Variants in CERS6 observed in about 807,000 individuals in gnomAD.
CERS6 encodes the protein ceramide synthase 6.
A neutral mutation model predicts 56.8 loss-of-function variants in CERS6; 26 were observed. That is an observed-to-expected ratio of 0.46 (90% confidence interval 0.34 to 0.63). The LOEUF is 0.63. Among genes scored for constraint, CERS6 ranks in the 30% least tolerant of loss-of-function variants. CERS6 has a pLI of 0.01. For missense variants in CERS6, 415 were observed against 467.5 expected, an observed-to-expected ratio of 0.89 and a Z score of 1.04; for synonymous variants, 164 against 173.3, an observed-to-expected ratio of 0.95 and a Z score of 0.42.
chr2:168,495,905 C>T (rs971617811), intron 1 of CERS6, among the ~76,000 whole-genome samples: 2 of 152,152 alleles, frequency 1.3e-5, no homozygotes, highest in African/African-American at 2.4e-5. Flanking sequence ...AGGTATTCCC[C>T]AAAACTTAAG....
intron 4 of CERS6, among the ~76,000 whole-genome samples, chr2:168,670,686 T>C (rs1330947467): frequency 6.6e-6 from 1 of 152,204 alleles, no homozygotes; most frequent in Non-Finnish European, 1.5e-5. Flanking sequence ...AGGTCACTAC[T>C]TCAGTGATGC....
At chr2:168,478,525 TG>T (rs766200061) in intron 1 of CERS6, among the ~76,000 whole-genome samples, 2 of 152,190 alleles carry the variant, frequency 1.3e-5, no homozygotes, top group Non-Finnish European at 2.9e-5. Context: ...CTACTCAAAG[TG>T]TGAACCATAG....
At position 168,661,198 on chromosome 2, in the gene CERS6, T is replaced by C. The variant is rs1428082504; in HGVS notation, c.466-29836T>C. Among the ~76,000 whole-genome samples, 13 of 152,304 alleles carry C rather than the reference T, an allele frequency of 8.5e-5. No homozygotes were observed. The East Asian group carries it at 2.1e-3, about 25-fold the overall frequency. ...GAAGCCAAACGAAATCCAAGTATAG[T>C]TGTATCCTAAGAATGAACATGTTAG... On this transcript the variant is annotated intron_variant, in intron 4 of 9. Transcript: ENST00000305747.
chr2:168,623,981 C>T (rs929564986), intron 3 of CERS6, among the ~76,000 whole-genome samples: 6 of 152,236 alleles, frequency 3.9e-5, no homozygotes, highest in Admixed American at 2.6e-4. Context: ...CTTAGGGACC[C>T]TACCTAGGCT....
At chr2:168,531,968 A>G (rs1695176955) in intron 1 of CERS6, among the ~76,000 whole-genome samples, 1 of 152,196 alleles carries the variant, frequency 6.6e-6, no homozygotes, top group South Asian at 2.1e-4. Context: ...AGGTGCTCAG[A>G]CAAAATTTGC....
intron 1 of CERS6, among the ~76,000 whole-genome samples, chr2:168,490,830 T>C (rs553194086): frequency 6.6e-6 from 1 of 151,570 alleles, no homozygotes; most frequent in Non-Finnish European, 1.5e-5. Context: ...AAGGAGAGAA[T>C]ATATGATGAT....
intron 4 of CERS6, among the ~76,000 whole-genome samples, chr2:168,633,828 G>A: frequency 6.6e-6 from 1 of 152,126 alleles, no homozygotes; most frequent in South Asian, 2.1e-4. Context: ...TATCAATACA[G>A]CATAAATTTG....
At chr2:168,684,343 C>T (rs1055652081) in intron 4 of CERS6, among the ~76,000 whole-genome samples, 1 of 152,182 alleles carries the variant, frequency 6.6e-6, no homozygotes, top group Non-Finnish European at 1.5e-5. Context: ...GGAGTGCTCT[C>T]GGCTGCTCAC....
intron 3 of CERS6, among the ~76,000 whole-genome samples, chr2:168,623,290 A>T (rs1684516933): frequency 6.6e-6 from 1 of 152,140 alleles, no homozygotes; most frequent in Admixed American, 6.6e-5. Flanking sequence ...GAAAGATAAC[A>T]AACTTGTAGT....
intron 1 of CERS6, among the ~76,000 whole-genome samples, chr2:168,475,318 C>T (rs979272966): frequency 6.6e-6 from 1 of 151,968 alleles, no homozygotes; most frequent in Non-Finnish European, 1.5e-5. Context: ...CAAAGTAAAT[C>T]GCAGCTATTA....
At chr2:168,482,080 A>C (rs939785111) in intron 1 of CERS6, among the ~76,000 whole-genome samples, 3 of 152,252 alleles carry the variant, frequency 2.0e-5, no homozygotes, top group Admixed American at 2.0e-4. Flanking sequence ...CAAGTGCTGA[A>C]ATAAATTATG....
chr2:168,658,581 G>A (rs924128569), intron 4 of CERS6, among the ~76,000 whole-genome samples: 8 of 152,322 alleles, frequency 5.3e-5, no homozygotes, highest in South Asian at 2.1e-4. Flanking sequence ...CTTGATGACC[G>A]AGTAAAGCCT....
intron 1 of CERS6, among the ~76,000 whole-genome samples, chr2:168,534,178 A>G (rs1276363351): frequency 6.6e-6 from 1 of 152,060 alleles, no homozygotes; most frequent in East Asian, 1.9e-4. Context: ...CCTTCAGCTC[A>G]GTGTAGTTTT....
At chr2:168,702,351 T>C (rs965829430) in intron 6 of CERS6, among the ~76,000 whole-genome samples, 1 of 152,216 alleles carries the variant, frequency 6.6e-6, no homozygotes, top group African/African-American at 2.4e-5. Flanking sequence ...TGATAAACTG[T>C]GGTTATTCCA....
intron 1 of CERS6, among the ~76,000 whole-genome samples, chr2:168,534,873 C>T (rs2105364669): frequency 6.6e-6 from 1 of 152,304 alleles, no homozygotes; most frequent in Non-Finnish European, 1.5e-5. Context: ...GCCACCCCTC[C>T]CACTAGGAGA....
At chr2:168,489,571 A>AT (rs200236911) in intron 1 of CERS6, among the ~76,000 whole-genome samples, 6 of 148,620 alleles carry the variant, frequency 4.0e-5, no homozygotes, top group African/African-American at 7.4e-5. Flanking sequence ...GTCTCAACAA[A>AT]TTTTTTTTTC....
intron 1 of CERS6, among the ~76,000 whole-genome samples, chr2:168,531,820 CAAAAA>C (rs370604357): frequency 1.0e-5 from 1 of 95,606 alleles, no homozygotes. Context: ...GACTCTGTCT[CAAAAA>C]AAAAAAAAAA....
chr2:168,641,754 ATCATGTCTGAGTGCTT>A (rs1685056363), intron 4 of CERS6, among the ~76,000 whole-genome samples: 1 of 152,204 alleles, frequency 6.6e-6, no homozygotes, highest in Non-Finnish European at 1.5e-5. Context: ...AGTATGAAGT[ATCATGTCTGAGTGCTT>A]TCATATCAAA....
At chr2:168,597,836 G>A (rs925002625) in intron 3 of CERS6, among the ~76,000 whole-genome samples, 1 of 152,212 alleles carries the variant, frequency 6.6e-6, no homozygotes, top group Non-Finnish European at 1.5e-5. Context: ...CTACCTCAGA[G>A]TCATCTAGGA....
Sources: gnomAD v4.1 joint callset for allele counts (sites outside exome capture counted in the v4.1 genomes callset) on GRCh38, gnomAD v4.1.1 for gene constraint, MANE v1.5 for transcripts, NCBI Gene and HGNC (gene_info 2026-07-23, HGNC 2026-07-21) for gene names.